FZD3: variants seen among roughly 807,000 people sequenced by gnomAD.
The protein encoded by FZD3 is frizzled class receptor 3.
In FZD3, 30 loss-of-function variants were observed where a neutral mutation model predicts 60.7. The ratio of observed to expected loss-of-function variants is 0.49; its 90% CI spans 0.37 to 0.67. The LOEUF is 0.67. FZD3 is among the 30% of genes least tolerant of loss of function. The probability of loss-of-function intolerance (pLI) is 0.00; values close to 1 mark genes in which losing one functional copy is unlikely to be tolerated. For missense variants in FZD3, 605 were observed against 838.7 expected (o/e 0.72, Z 3.44); for synonymous variants, 246 against 275.2 (o/e 0.89, Z 1.05).
At chr8:28,554,562 GTTCT>G (rs1172578139) in intron 6 of FZD3, among the ~76,000 whole-genome samples, 1 of 152,004 alleles carries the variant, frequency 6.6e-6, no homozygotes, top group Non-Finnish European at 1.5e-5. Flanking sequence ...TTTTTTGAAA[GTTCT>G]TTAATTTCTT....
chr8:28,503,740 T>C (rs1297858113), intron 3 of FZD3, among the ~76,000 whole-genome samples: 1 of 152,232 alleles, frequency 6.6e-6, no homozygotes, highest in Non-Finnish European at 1.5e-5. Context: ...GGGATATATA[T>C]ACCAGATAAG....
At chr8:28,552,545 G>A (rs576114896) in intron 6 of FZD3, among the ~76,000 whole-genome samples, 79 of 152,190 alleles carry the variant, frequency 5.2e-4, no homozygotes, top group African/African-American at 1.8e-3. Flanking sequence ...CAAACTCTAA[G>A]TTAGTGGATT....
intron 7 of FZD3, among the ~76,000 whole-genome samples, chr8:28,556,392 A>G (rs766424113): frequency 3.9e-5 from 6 of 152,204 alleles, no homozygotes; most frequent in Admixed American, 1.3e-4. Context: ...ATCTAGAATG[A>G]TAAACCTCAG....
chr8:28,500,171 C>T (rs963288735), intron 2 of FZD3, among the ~76,000 whole-genome samples, 193 bp downstream of exon 2: 1 of 152,166 alleles, frequency 6.6e-6, no homozygotes, highest in Non-Finnish European at 1.5e-5. Flanking sequence ...TAATCATAAA[C>T]TGCAGTCTTG....
At position 28,563,018 on chromosome 8, in the gene FZD3, TTGTC is replaced by T. The variant is rs1805643531; in HGVS notation, c.*9_*12del. On this transcript the variant is annotated 3_prime_UTR_variant, in exon 8 of 8. Coordinates refer to ENST00000240093, the MANE Select transcript of FZD3 (RefSeq NM_017412.4). Reference sequence around the variant, plus strand: ...AGATGGAACCAGTGCTTAATTTGTCTTGTCTAAGGTGGAAATCTTGTGCTGTTTA... The same window carrying T: ...AGATGGAACCAGTGCTTAATTTGTCTTAAGGTGGAAATCTTGTGCTGTTTA... 6.3e-7 allele frequency: 1 copy of T among 1,587,962 alleles called. No homozygotes were observed. Among genetic ancestry groups the T allele is most frequent in the African/African-American group, 1.3e-5 (1 of 74,444 alleles).
chr8:28,520,221 C>CAAAAAAA (rs199633141), intron 3 of FZD3, among the ~76,000 whole-genome samples: 4 of 131,050 alleles, frequency 3.1e-5, no homozygotes, highest in African/African-American at 8.3e-5. Flanking sequence ...AAAAAAACAA[C>CAAAAAAA]AAAAAAAAAA....
intron 3 of FZD3, among the ~76,000 whole-genome samples, chr8:28,508,315 G>T (rs1307571898): frequency 6.6e-6 from 1 of 152,058 alleles, no homozygotes; most frequent in Non-Finnish European, 1.5e-5. Context: ...TCTTTAGGAA[G>T]CTCTGGTTCC....
At chr8:28,560,103 G>A (rs970455267) in intron 7 of FZD3, among the ~76,000 whole-genome samples, 50 of 152,216 alleles carry the variant, frequency 3.3e-4, no homozygotes, top group African/African-American at 1.2e-3. Context: ...GAGTAAATAA[G>A]GAGGTATTAG....
intron 6 of FZD3, among the ~76,000 whole-genome samples, chr8:28,553,261 T>C (rs1805446428): frequency 6.6e-6 from 1 of 152,246 alleles, no homozygotes; most frequent in South Asian, 2.1e-4. Flanking sequence ...TAGGCATTTA[T>C]TCATTCTTTG....
chr8:28,518,154 G>A (rs187116357), intron 3 of FZD3, among the ~76,000 whole-genome samples: 1 of 151,712 alleles, frequency 6.6e-6, no homozygotes, highest in African/African-American at 2.4e-5. Context: ...GAACTCCTGG[G>A]CTCAAGTGAT....
intron 3 of FZD3, among the ~76,000 whole-genome samples, chr8:28,517,524 C>T (rs1431746284): frequency 2.0e-5 from 3 of 152,094 alleles, no homozygotes; most frequent in Non-Finnish European, 4.4e-5. Flanking sequence ...TGCCTCTGCC[C>T]CGTTCTTACT....
At chr8:28,554,861 GGA>G (rs1445949292) in intron 6 of FZD3, among the ~76,000 whole-genome samples, 1 of 152,004 alleles carries the variant, frequency 6.6e-6, no homozygotes, top group Non-Finnish European at 1.5e-5. Flanking sequence ...TTAACATGCT[GGA>G]GTTTTATTTT....
In FZD3 at chr8:28,573,398, G is replaced by A. The variant is rs1427585043; in HGVS notation, c.*10387G>A. ...GAAATAATTTAAATTAGTGTTGATG[G>A]GACTATTTTGAGGCAAGAGATACCA... On this transcript the variant is annotated 3_prime_UTR_variant, in exon 8 of 8. Transcript: ENST00000240093. 1 of 151,748 alleles carries A rather than the reference G, an allele frequency of 6.6e-6. No homozygotes were observed. The highest frequency in any genetic ancestry group is 1.5e-5 in the Non-Finnish European group (1 of 67,950). The allele number at this position is 151,748 out of a possible 1,614,324, so 9.4% of individuals were successfully genotyped here. A position where few individuals can be genotyped will look rare whatever the true frequency, so the allele number is the denominator to read the frequency against.
rs1805707457 is a variant in FZD3 at position 28,566,454 on chromosome 8, T to C, written c.*3443T>C. 6.6e-6 allele frequency: 1 copy of C among 152,162 alleles called. No individual in the cohort carries two copies. The highest frequency in any genetic ancestry group is 1.5e-5 in the Non-Finnish European group (1 of 68,004). 9.4% of individuals were successfully genotyped at this position (152,162 alleles called of 1,614,324 possible). ...GTAAATGAATCTTCAAATCAACCTTTCTTTTTCTGCTGCTCTTAGAGCAGA... is the reference window on the plus strand; with the variant it reads ...GTAAATGAATCTTCAAATCAACCTTCCTTTTTCTGCTGCTCTTAGAGCAGA... On this transcript the variant is annotated 3_prime_UTR_variant, in exon 8 of 8. Coordinates refer to ENST00000240093, the MANE Select transcript of FZD3 (RefSeq NM_017412.4).
intron 5 of FZD3, among the ~76,000 whole-genome samples, chr8:28,531,834 G>A (rs1000311082): frequency 3.0e-4 from 45 of 151,842 alleles, no homozygotes; most frequent in African/African-American, 8.7e-4. Flanking sequence ...AGTCATTTGC[G>A]TTACAGATAT....
intron 4 of FZD3, 151 bp downstream of exon 4, chr8:28,520,985 T>C (rs1356214866): frequency 7.1e-6 from 3 of 420,110 alleles, no homozygotes; most frequent in Non-Finnish European, 1.3e-5. Flanking sequence ...CACAATTGTT[T>C]ATTTGCTTAG....
chr8:28,574,107 G>A lies in FZD3; in HGVS notation c.*11096G>A, dbSNP rs1026549705. On this transcript the variant is annotated 3_prime_UTR_variant, in exon 8 of 8. Coordinates refer to ENST00000240093, the MANE Select transcript of FZD3 (RefSeq NM_017412.4). ...CTGATGTGCTTTGCACTCTGCTCTTGTAGATTTATTTTGTTTACAGTAGAC... is the reference window on the plus strand; with the variant it reads ...CTGATGTGCTTTGCACTCTGCTCTTATAGATTTATTTTGTTTACAGTAGAC... 3 of 152,158 alleles carry A rather than the reference G, an allele frequency of 2.0e-5. No individual in the cohort carries two copies. Among genetic ancestry groups the A allele is most frequent in the Admixed American group, 6.6e-5 (1 of 15,256 alleles). The allele number at this position is 152,158 out of a possible 1,614,324, so 9.4% of individuals were successfully genotyped here.
chr8:28,494,705 G>T (rs1456620162), intron 1 of FZD3, among the ~76,000 whole-genome samples: 1 of 152,086 alleles, frequency 6.6e-6, no homozygotes, highest in Non-Finnish European at 1.5e-5. Flanking sequence ...CAACCTGTGC[G>T]AGTGTGGACC....
chr8:28,506,715 A>C (rs1804150778), intron 3 of FZD3, among the ~76,000 whole-genome samples: 1 of 152,184 alleles, frequency 6.6e-6, no homozygotes, highest in Non-Finnish European at 1.5e-5. Flanking sequence ...GAGCATGGAA[A>C]GCTGGCAGTG....
Sources: gnomAD v4.1 joint callset for allele counts (sites outside exome capture counted in the v4.1 genomes callset) on GRCh38, gnomAD v4.1.1 for gene constraint, MANE v1.5 for transcripts, NCBI Gene and HGNC (gene_info 2026-07-23, HGNC 2026-07-21) for gene names.